Variants in DCLK2 observed in about 807,000 individuals in gnomAD.
DCLK2 encodes the protein serine/threonine-protein kinase DCLK2.
In DCLK2, 31 loss-of-function variants were observed where a neutral mutation model predicts 78.4. The observed-to-expected ratio is 0.40, with a 90% CI of 0.30 to 0.53. The LOEUF (loss-of-function observed/expected upper bound fraction) is 0.53, where lower values mean the gene tolerates loss of function less well. DCLK2 is among the 20% of genes least tolerant of loss of function. The probability of loss-of-function intolerance (pLI) is 0.61; values close to 1 mark genes in which losing one functional copy is unlikely to be tolerated. For synonymous variants in DCLK2, 407 were observed against 374.9 expected, an observed-to-expected ratio of 1.09 and a Z score of -0.99; for missense variants, 872 against 973.7, an observed-to-expected ratio of 0.90 and a Z score of 1.39.
At chr4:150,252,436 G>A (rs1487730690) in intron 15 of DCLK2, among the ~76,000 whole-genome samples, 2 of 152,226 alleles carry the variant, frequency 1.3e-5, no homozygotes, top group Admixed American at 1.3e-4. Flanking sequence ...CTCGGAGACT[G>A]TGAAGGGAGT....
At chr4:150,113,776 A>C (rs538625231) in intron 2 of DCLK2, among the ~76,000 whole-genome samples, 2 of 114,052 alleles carry the variant, frequency 1.8e-5, no homozygotes, top group Non-Finnish European at 3.7e-5. Context: ...TTTATTTTCT[A>C]TTTTCTTCTG....
At chr4:150,098,722 T>C (rs1257093903) in intron 1 of DCLK2, among the ~76,000 whole-genome samples, 2 of 138,198 alleles carry the variant, frequency 1.4e-5, no homozygotes, top group East Asian at 4.3e-4. Flanking sequence ...TTTGGCAGAG[T>C]CTCATTCTTG....
At chr4:150,114,821 C>T (rs888218925) in intron 2 of DCLK2, among the ~76,000 whole-genome samples, 25 of 152,192 alleles carry the variant, frequency 1.6e-4, no homozygotes, top group Non-Finnish European at 2.9e-5. Context: ...TCTTAGAATT[C>T]ATTCCTTTGT....
chr4:150,183,127 A>T (rs1036338681), intron 2 of DCLK2, among the ~76,000 whole-genome samples: 3 of 152,366 alleles, frequency 2.0e-5, no homozygotes, highest in Admixed American at 6.5e-5. Context: ...CAAGAGGGCT[A>T]GGATTTTCCC....
intron 2 of DCLK2, among the ~76,000 whole-genome samples, chr4:150,168,074 T>C (rs1293381271): frequency 6.6e-6 from 1 of 152,186 alleles, no homozygotes; most frequent in African/African-American, 2.4e-5. Context: ...CCAGGTGCGG[T>C]GGCTCACGCC....
chr4:150,160,889 G>T (rs1443960958), intron 2 of DCLK2, among the ~76,000 whole-genome samples: 1 of 152,180 alleles, frequency 6.6e-6, no homozygotes, highest in African/African-American at 2.4e-5. Flanking sequence ...CTCCAGAGAG[G>T]CTGTGACTTA....
intron 2 of DCLK2, among the ~76,000 whole-genome samples, chr4:150,177,820 C>G (rs1441208645): frequency 6.6e-6 from 1 of 152,100 alleles, no homozygotes; most frequent in Non-Finnish European, 1.5e-5. Context: ...TGGACACATA[C>G]CTCTATAATA....
intron 6 of DCLK2, 42 bp from the exon 7 acceptor site, chr4:150,221,635 T>A: frequency 7.7e-7 from 1 of 1,306,534 alleles, no homozygotes; most frequent in Non-Finnish European, 1.1e-6. Flanking sequence ...CTGTATAAAA[T>A]GCTGATGTTT....
At chr4:150,133,748 C>T (rs1252289945) in intron 2 of DCLK2, among the ~76,000 whole-genome samples, 1 of 152,114 alleles carries the variant, frequency 6.6e-6, no homozygotes, top group East Asian at 1.9e-4. Context: ...CATTCAGTGT[C>T]AGCTAATTAC....
chr4:150,166,574 C>A (rs952885163), intron 2 of DCLK2, among the ~76,000 whole-genome samples: 4 of 152,120 alleles, frequency 2.6e-5, no homozygotes, highest in Non-Finnish European at 5.9e-5. Flanking sequence ...CGAGTATATC[C>A]TTGTTGTTTT....
At chr4:150,204,763 A>G (rs1018835813) in intron 5 of DCLK2, among the ~76,000 whole-genome samples, 20 of 152,180 alleles carry the variant, frequency 1.3e-4, no homozygotes, top group Admixed American at 1.3e-4. Context: ...CTGGTGGTAC[A>G]AACCTGTAAT....
At chr4:150,219,450 G>A (rs918192072) in intron 5 of DCLK2, among the ~76,000 whole-genome samples, 4 of 151,836 alleles carry the variant, frequency 2.6e-5, no homozygotes, top group East Asian at 2.0e-4. Context: ...CAGTAGAGAC[G>A]GGGTCTCACC....
In DCLK2 at chr4:150,220,729, T is replaced by C; in HGVS notation, c.1083T>C (p.Ser361=). ...AGATTTCTGCTCATGGCAGATCTTC[T>C]TCCAATGTAAACGGTGGACCTGAGC... The part of the protein sequence containing the change: ...LKQISAHGRS[S]SNVNGGPELD... Residue 361 remains serine (S), a synonymous_variant, in exon 6 of 16, where the codon TCT becomes TCC. Coordinates refer to ENST00000296550, the MANE Select transcript of DCLK2 (RefSeq NM_001040260.4). The C allele has an allele frequency of 6.2e-7, 1 of 1,613,924 alleles. No homozygotes were observed. The highest frequency in any genetic ancestry group is 1.3e-5 in the African/African-American group (1 of 75,066).
chr4:150,106,064 CA>C lies in DCLK2; in HGVS notation c.756+3259del, dbSNP rs533030054. The stretch of plus-strand genomic sequence containing the variant: ...ATGAGTTAATTATTTTTTCATGTGC[CA>C]AAAAAAGATCTTTTAAGACTTTCAA... On this transcript the variant is annotated intron_variant, in intron 2 of 15. Coordinates refer to ENST00000296550, the MANE Select transcript of DCLK2 (RefSeq NM_001040260.4). Among the ~76,000 whole-genome samples, 5 of 151,616 alleles carry C rather than the reference CA, an allele frequency of 3.3e-5. No homozygotes were observed. In the East Asian group the frequency reaches 9.7e-4, roughly 29 times the overall value.
At chr4:150,230,174 G>A (rs1358653012) in intron 8 of DCLK2, among the ~76,000 whole-genome samples, 1 of 152,204 alleles carries the variant, frequency 6.6e-6, no homozygotes, top group African/African-American at 2.4e-5. Flanking sequence ...CTAATAAGTG[G>A]TGGAGGAAAT....
intron 2 of DCLK2, among the ~76,000 whole-genome samples, chr4:150,109,426 C>G (rs926098866): frequency 6.6e-6 from 1 of 151,874 alleles, no homozygotes. Flanking sequence ...TCTCTGCCTC[C>G]CTGGTTCAAG....
At chr4:150,215,529 T>C (rs1740631918) in intron 5 of DCLK2, among the ~76,000 whole-genome samples, 1 of 152,176 alleles carries the variant, frequency 6.6e-6, no homozygotes, top group Non-Finnish European at 1.5e-5. Context: ...AAGGATATTA[T>C]GTTACAAAGG....
At chr4:150,191,565 G>C (rs1676474649) in intron 2 of DCLK2, among the ~76,000 whole-genome samples, 1 of 152,174 alleles carries the variant, frequency 6.6e-6, no homozygotes, top group Non-Finnish European at 1.5e-5. Context: ...GAAGGGGTGT[G>C]TGCTAACACC....
At chr4:150,134,272 C>T (rs977785238) in intron 2 of DCLK2, among the ~76,000 whole-genome samples, 17 of 151,534 alleles carry the variant, frequency 1.1e-4, no homozygotes, top group African/African-American at 1.7e-4. Flanking sequence ...AGTAGAGATG[C>T]GGTTTCACCA....
Sources: allele counts gnomAD v4.1 joint callset (sites outside exome capture counted in the v4.1 genomes callset), GRCh38; gene constraint gnomAD v4.1.1; transcripts MANE v1.5; gene names NCBI Gene and HGNC (gene_info 2026-07-23, HGNC 2026-07-21).